The following FAT3 variants were observed in gnomAD, a reference collection of about 807,000 sequenced individuals.
FAT3 encodes the protein FAT atypical cadherin 3, also known as protocadherin Fat 3.
Under a neutral mutation model 310.2 loss-of-function variants are expected in FAT3, and 95 were observed. That is an observed-to-expected ratio of 0.31 (90% CI 0.26 to 0.36). The LOEUF (loss-of-function observed/expected upper bound fraction) is 0.36, where lower values mean the gene tolerates loss of function less well. FAT3 is among the 10% of genes least tolerant of loss of function. The pLI, the probability that FAT3 is intolerant of heterozygous loss-of-function variation, is 1.00. For synonymous variants in FAT3, 2,314 were observed against 2,192.9 expected, an observed-to-expected ratio of 1.06 and a Z score of -1.54; for missense variants, 5,408 against 5,715.6, an observed-to-expected ratio of 0.95 and a Z score of 1.74.
intron 22 of FAT3, among the ~76,000 whole-genome samples, chr11:92,869,970 C>T (rs1005930191): frequency 9.9e-5 from 15 of 152,180 alleles, no homozygotes; most frequent in African/African-American, 3.6e-4. Flanking sequence ...AATGAGACTG[C>T]TTGCACATGA....
intron 3 of FAT3, among the ~76,000 whole-genome samples, chr11:92,663,665 C>T (rs1942864681): frequency 6.6e-6 from 1 of 152,144 alleles, no homozygotes. Flanking sequence ...CCCTTAAATG[C>T]TGTCTCTATC....
At chr11:92,604,737 C>T (rs1253723715) in intron 3 of FAT3, among the ~76,000 whole-genome samples, 1 of 152,220 alleles carries the variant, frequency 6.6e-6, no homozygotes, top group Non-Finnish European at 1.5e-5. Context: ...GAGGGCTGGT[C>T]TTTGCTCCTC....
Position 92,640,409 on chromosome 11 carries a change from A to G in FAT3, c.3608-56975A>G, listed in dbSNP as rs558664112. On this transcript the variant is annotated intron_variant, in intron 3 of 27. Coordinates refer to ENST00000525166, the MANE Select transcript of FAT3 (RefSeq NM_001367949.2). Reference sequence around the variant, plus strand: ...CAGAGGAACTCTATGGATTTGTTAAATGAAATAATGCACATAAACAGCTTA... The same window carrying G: ...CAGAGGAACTCTATGGATTTGTTAAGTGAAATAATGCACATAAACAGCTTA... Among the ~76,000 whole-genome samples the G allele has an allele frequency of 7.9e-5, 12 of 152,320 alleles. No homozygotes were observed. In the South Asian group the frequency reaches 2.3e-3, roughly 29 times the overall value.
chr11:92,322,026 A>G (rs1167148411), intron 1 of FAT3, among the ~76,000 whole-genome samples: 1 of 152,132 alleles, frequency 6.6e-6, no homozygotes, highest in African/African-American at 2.4e-5. Context: ...GAAAACCTTG[A>G]TTGCTGAAAA....
chr11:92,390,827 G>T (rs966099918), intron 2 of FAT3, among the ~76,000 whole-genome samples: 1 of 152,156 alleles, frequency 6.6e-6, no homozygotes, highest in African/African-American at 2.4e-5. Context: ...TCTGGGAGCA[G>T]GGTGAGCAAA....
At chr11:92,763,030 G>A (rs1211722413) in intron 5 of FAT3, among the ~76,000 whole-genome samples, 1 of 151,996 alleles carries the variant, frequency 6.6e-6, no homozygotes, top group African/African-American at 2.4e-5. Context: ...ATGGTGGTGT[G>A]TGCCTGTAAT....
intron 13 of FAT3, among the ~76,000 whole-genome samples, chr11:92,811,293 G>C (rs904078809): frequency 1.3e-5 from 2 of 152,118 alleles, no homozygotes; most frequent in African/African-American, 4.8e-5. Flanking sequence ...CAGAATTAAT[G>C]GAAATGAATC....
intron 19 of FAT3, among the ~76,000 whole-genome samples, chr11:92,852,996 G>T (rs1016660474): frequency 2.6e-5 from 4 of 152,290 alleles, no homozygotes; most frequent in African/African-American, 9.6e-5. Flanking sequence ...AACCTCTATG[G>T]CTGGTGACAC....
intron 22 of FAT3, among the ~76,000 whole-genome samples, chr11:92,878,634 T>TAAAAAAAAAAAAAAAAAAAAAAAA (rs145900689): frequency 4.7e-5 from 1 of 21,232 alleles, no homozygotes; most frequent in African/African-American, 1.4e-4. Context: ...TGTTATGTGT[T>TAAAAAAAAAAAAAAAAAAAAAAAA]AAAAAAAAAA....
rs530803029 is a variant in FAT3 at position 92,469,230 on chromosome 11, T to C, written c.3293-55404T>C. On this transcript the variant is annotated intron_variant, in intron 2 of 27. Transcript: ENST00000525166. Reference sequence around the variant, plus strand: ...CTCATAAATTAGCCCTGTTTAATGTTTATGAAGACAATTAGGGAAAGATTG... The same window carrying C: ...CTCATAAATTAGCCCTGTTTAATGTCTATGAAGACAATTAGGGAAAGATTG... Among the ~76,000 whole-genome samples, 5 of 152,278 alleles carry C rather than the reference T, an allele frequency of 3.3e-5. No homozygotes were observed. The South Asian group carries it at 8.3e-4, about 25-fold the overall frequency.
intron 3 of FAT3, among the ~76,000 whole-genome samples, chr11:92,674,228 C>T (rs1209260905): frequency 7.0e-6 from 1 of 143,478 alleles, no homozygotes; most frequent in Non-Finnish European, 1.5e-5. Flanking sequence ...TAAAGAGACA[C>T]TTGTTAAGAC....
At chr11:92,229,518 T>TTTTG (rs1864078975) in intron 1 of FAT3, among the ~76,000 whole-genome samples, 1 of 132,998 alleles carries the variant, frequency 7.5e-6, no homozygotes, top group African/African-American at 2.7e-5. Context: ...TTTTTTGTTT[T>TTTTG]TTTTTACATT....
intron 3 of FAT3, among the ~76,000 whole-genome samples, chr11:92,530,605 A>G (rs561387046): frequency 1.1e-4 from 16 of 152,274 alleles, no homozygotes; most frequent in African/African-American, 3.8e-4. Context: ...AACCTGGGTC[A>G]CGTAATGTTT....
chr11:92,554,591 T>C (rs367711902), intron 3 of FAT3, among the ~76,000 whole-genome samples: 2 of 151,396 alleles, frequency 1.3e-5, no homozygotes, highest in East Asian at 3.9e-4. Flanking sequence ...GCTTAGTGCA[T>C]GAGATCAATG....
intron 1 of FAT3, among the ~76,000 whole-genome samples, chr11:92,345,158 A>T (rs1948379424): frequency 6.6e-6 from 1 of 152,004 alleles, no homozygotes; most frequent in Non-Finnish European, 1.5e-5. Context: ...TCCTATTTGG[A>T]CTGATGTTCA....
chr11:92,388,403 A>G (rs189005088), intron 2 of FAT3, among the ~76,000 whole-genome samples: 3 of 152,218 alleles, frequency 2.0e-5, no homozygotes, highest in Admixed American at 2.0e-4. Context: ...CATTTGTTTG[A>G]TAGTGCTCAA....
rs969157247 is a variant in FAT3 at position 92,405,989 on chromosome 11, A to G, written c.3292+50585A>G. 5.3e-5 allele frequency among the ~76,000 whole-genome samples: 8 copies of G among 152,180 alleles called. No homozygotes were observed. In the East Asian group the frequency reaches 1.5e-3, roughly 29 times the overall value. The stretch of plus-strand genomic sequence containing the variant: ...CTAGTTAAAACTGTGAACATTTTGA[A>G]ACTGTGAATATTTCAAGACATATTC... On this transcript the variant is annotated intron_variant, in intron 2 of 27. Transcript: ENST00000525166.
chr11:92,534,654 A>T (rs1954191702), intron 3 of FAT3, among the ~76,000 whole-genome samples: 1 of 152,180 alleles, frequency 6.6e-6, no homozygotes, highest in African/African-American at 2.4e-5. Flanking sequence ...TAATTCAGTG[A>T]CTGGTGTCCT....
intron 2 of FAT3, among the ~76,000 whole-genome samples, chr11:92,421,839 G>A (rs1438399455): frequency 2.0e-5 from 3 of 152,294 alleles, no homozygotes; most frequent in African/African-American, 7.2e-5. Context: ...AGAGGAACAG[G>A]CAGCGAGCTG....
Sources: gnomAD v4.1 joint callset for allele counts (sites outside exome capture counted in the v4.1 genomes callset) on GRCh38, gnomAD v4.1.1 for gene constraint, MANE v1.5 for transcripts, NCBI Gene and HGNC (gene_info 2026-07-23, HGNC 2026-07-21) for gene names.